Variants in MACROD2 observed in about 807,000 individuals in gnomAD.
MACROD2 encodes ADP-ribose glycohydrolase MACROD2.
MACROD2 carries 36 observed loss-of-function variants against 70.4 expected under a neutral mutation model. The observed-to-expected ratio is 0.51, with a 90% confidence interval of 0.39 to 0.68. The LOEUF (loss-of-function observed/expected upper bound fraction) is 0.68. Among genes scored for constraint, MACROD2 ranks in the 30% least tolerant of loss-of-function variants. MACROD2 has a pLI of 0.00. For missense variants in MACROD2, 496 were observed against 538.4 expected (o/e 0.92, Z 0.78); for synonymous variants, 172 against 178.8 (o/e 0.96, Z 0.30).
intron 8 of MACROD2, among the ~76,000 whole-genome samples, chr20:15,802,300 C>A (rs1568569621): frequency 6.6e-6 from 1 of 152,122 alleles, no homozygotes; most frequent in Non-Finnish European, 1.5e-5. Context: ...CAGCTTTTCC[C>A]CCTTCAGTAT....
At chr20:14,568,599 G>C (rs1238019969) in intron 4 of MACROD2, among the ~76,000 whole-genome samples, 1 of 151,756 alleles carries the variant, frequency 6.6e-6, no homozygotes, top group Non-Finnish European at 1.5e-5. Context: ...TTAGAAGAAA[G>C]GTGTTTGTTC....
chr20:15,314,580 C>G (rs935139400), intron 6 of MACROD2, among the ~76,000 whole-genome samples: 9 of 152,146 alleles, frequency 5.9e-5, no homozygotes, highest in African/African-American at 2.2e-4. Flanking sequence ...GAAAGCAAGA[C>G]TTTATCTATT....
intron 3 of MACROD2, among the ~76,000 whole-genome samples, chr20:14,288,609 A>G (rs1353093320): frequency 6.6e-6 from 1 of 152,192 alleles, no homozygotes; most frequent in African/African-American, 2.4e-5. Context: ...ACTTCTTAAC[A>G]CCATGGGAGG....
chr20:14,207,212 C>G (rs561887301), intron 3 of MACROD2, among the ~76,000 whole-genome samples: 1 of 152,190 alleles, frequency 6.6e-6, no homozygotes, highest in African/African-American at 2.4e-5. Flanking sequence ...ATTCTCCTGC[C>G]TTAGCCTCCC....
chr20:14,832,044 T>G (rs2072975068), intron 5 of MACROD2, among the ~76,000 whole-genome samples: 1 of 123,358 alleles, frequency 8.1e-6, no homozygotes, highest in South Asian at 2.8e-4. Flanking sequence ...GTTTTTTTTT[T>G]TTTTTTTTTT....
At chr20:14,470,084 T>C (rs1272863711) in intron 3 of MACROD2, among the ~76,000 whole-genome samples, 1 of 152,156 alleles carries the variant, frequency 6.6e-6, no homozygotes, top group African/African-American at 2.4e-5. Context: ...CTTTGGTCTT[T>C]GCTGTTGGTG....
chr20:15,009,845 C>A (rs1347227738), intron 5 of MACROD2, among the ~76,000 whole-genome samples: 1 of 144,578 alleles, frequency 6.9e-6, no homozygotes, highest in African/African-American at 2.6e-5. Context: ...GAAAATTTAT[C>A]TCCTGCCTTC....
chr20:15,841,129 T>C (rs1201360201), intron 8 of MACROD2, among the ~76,000 whole-genome samples: 1 of 152,216 alleles, frequency 6.6e-6, no homozygotes, highest in African/African-American at 2.4e-5. Context: ...TTTCACATGC[T>C]GGCCTTGATC....
At chr20:14,774,781 G>A (rs1401029039) in intron 5 of MACROD2, among the ~76,000 whole-genome samples, 2 of 152,028 alleles carry the variant, frequency 1.3e-5, no homozygotes, top group African/African-American at 2.4e-5. Context: ...AGAATAAGTG[G>A]CCTAGAAATA....
chr20:15,818,860 A>T (rs963697849), intron 8 of MACROD2, among the ~76,000 whole-genome samples: 1 of 152,160 alleles, frequency 6.6e-6, no homozygotes, highest in South Asian at 2.1e-4. Context: ...TCTCTCACCA[A>T]GAAGTCACGA....
At chr20:14,857,304 C>G (rs1042441226) in intron 5 of MACROD2, among the ~76,000 whole-genome samples, 3 of 152,194 alleles carry the variant, frequency 2.0e-5, no homozygotes, top group Admixed American at 2.0e-4. Flanking sequence ...TAAACTACTT[C>G]CTGCACACAC....
intron 3 of MACROD2, among the ~76,000 whole-genome samples, chr20:14,189,705 C>G (rs2081370070): frequency 2.0e-5 from 3 of 152,162 alleles, no homozygotes; most frequent in Admixed American, 2.0e-4. Flanking sequence ...AAGGCAACTT[C>G]TGTGAAGAGA....
intron 3 of MACROD2, among the ~76,000 whole-genome samples, chr20:14,238,976 A>C (rs2081903582): frequency 6.8e-6 from 1 of 146,102 alleles, no homozygotes; most frequent in African/African-American, 2.6e-5. Context: ...GCAGTGAGCC[A>C]AGATTGCGCC....
intron 5 of MACROD2, among the ~76,000 whole-genome samples, chr20:14,865,375 T>C (rs915675045): frequency 5.3e-5 from 8 of 152,006 alleles, no homozygotes; most frequent in East Asian, 1.9e-4. Context: ...CTAGGTTGAC[T>C]CACTGCTACT....
chr20:14,841,880 C>G (rs911048986), intron 5 of MACROD2, among the ~76,000 whole-genome samples: 2 of 152,124 alleles, frequency 1.3e-5, no homozygotes, highest in African/African-American at 4.8e-5. Context: ...AGAGTAGAGA[C>G]CATGTCATTC....
chr20:14,003,707 TCTC>T, intron 2 of MACROD2: 1 of 477,510 alleles, frequency 2.1e-6, no homozygotes, highest in Non-Finnish European at 4.2e-6. Flanking sequence ...TGTAACAGGG[TCTC>T]CTTGGCAGCT....
At chr20:15,892,289 C>T (rs1341141530) in intron 10 of MACROD2, among the ~76,000 whole-genome samples, 1 of 152,076 alleles carries the variant, frequency 6.6e-6, no homozygotes, top group Non-Finnish European at 1.5e-5. Flanking sequence ...AAATTAACAC[C>T]TAATGAAGTG....
intron 3 of MACROD2, among the ~76,000 whole-genome samples, chr20:14,335,659 C>A (rs1006281515): frequency 2.6e-5 from 4 of 152,056 alleles, no homozygotes; most frequent in African/African-American, 9.7e-5. Context: ...AAATGAAAAA[C>A]CCAATTAGTA....
intron 5 of MACROD2, among the ~76,000 whole-genome samples, chr20:14,870,451 A>G (rs963033492): frequency 3.3e-5 from 5 of 152,182 alleles, no homozygotes; most frequent in Middle Eastern, 6.4e-3. Context: ...TCCTTTGGGT[A>G]TATAACCAGT....
Sources: gnomAD v4.1 joint callset for allele counts (sites outside exome capture counted in the v4.1 genomes callset) on GRCh38, gnomAD v4.1.1 for gene constraint, MANE v1.5 for transcripts, NCBI Gene and HGNC (gene_info 2026-07-23, HGNC 2026-07-21) for gene names.